Variants in SNTB1 observed in about 807,000 individuals in gnomAD.
SNTB1 encodes syntrophin beta 1.
A neutral mutation model predicts 48.9 loss-of-function variants in SNTB1; 36 were observed. The observed-to-expected ratio is 0.74, with a 90% CI of 0.56 to 0.97. The LOEUF (loss-of-function observed/expected upper bound fraction) is 0.97, where lower values mean the gene tolerates loss of function less well. Among genes scored for constraint, SNTB1 ranks in the 50% least tolerant of loss-of-function variants. The pLI is 0.00. For synonymous variants in SNTB1, 299 were observed against 294.6 expected (o/e 1.01, Z -0.15); for missense variants, 786 against 703.4 (o/e 1.12, Z -1.33).
intron 1 of SNTB1, among the ~76,000 whole-genome samples, chr8:120,700,811 G>A (rs1818297761): frequency 6.6e-6 from 1 of 152,170 alleles, no homozygotes; most frequent in Non-Finnish European, 1.5e-5. Flanking sequence ...AATGCTTTAG[G>A]CAAATCCAAT....
chr8:120,565,809 T>G (rs1815738994), intron 4 of SNTB1, among the ~76,000 whole-genome samples: 1 of 152,182 alleles, frequency 6.6e-6, no homozygotes. Context: ...CCAAAATTCA[T>G]GTTGAAACTG....
chr8:120,545,339 C>T (rs1479801822), intron 5 of SNTB1, among the ~76,000 whole-genome samples: 4 of 152,012 alleles, frequency 2.6e-5, no homozygotes, highest in Non-Finnish European at 5.9e-5. Context: ...AGTAAAACTC[C>T]GTTTCAAAAC....
In SNTB1 at chr8:120,811,584, G is replaced by A. The variant is rs866095482; in HGVS notation, c.260C>T (p.Ser87Leu). ...GAAAGCGGTGCGGACCCCGGCGGGC[G>A]AGTCCGGGGGCTGCGCGCCGCCCGC... ...PGAGGAQPPD[S>L]PAGVRTAFTD... is the part of the protein sequence containing the mutation. Residue 87 changes from serine (S) to leucine (L), a missense_variant, in exon 1 of 7, where the codon TCG becomes TTG. Coordinates refer to ENST00000517992, the MANE Select transcript of SNTB1 (RefSeq NM_021021.4). 1 of 1,565,174 alleles carries A rather than the reference G, an allele frequency of 6.4e-7. No homozygotes were observed. The highest frequency in any genetic ancestry group is 1.7e-4 in the Middle Eastern group (1 of 5,896).
chr8:120,678,743 A>G (rs969764183), intron 2 of SNTB1, among the ~76,000 whole-genome samples: 3 of 152,206 alleles, frequency 2.0e-5, no homozygotes, highest in African/African-American at 7.2e-5. Flanking sequence ...CCTATTTTCA[A>G]AGAGGCAGAA....
intron 3 of SNTB1, among the ~76,000 whole-genome samples, chr8:120,616,912 A>G (rs1816723604): frequency 6.6e-6 from 1 of 152,328 alleles, no homozygotes; most frequent in Admixed American, 6.5e-5. Context: ...CTGAAAGGGA[A>G]CGTGGCTCCT....
Position 120,548,907 on chromosome 8 carries a change from C to T in SNTB1, c.1188G>A (p.Leu396=). The T allele has an allele frequency of 6.2e-7, 1 of 1,609,942 alleles. No homozygotes were observed. Among genetic ancestry groups the T allele is most frequent in the Non-Finnish European group, 8.5e-7 (1 of 1,177,958 alleles). ...GKGSPQAGVD[L]SFATRTGTRQ... ...TGGTACCAGTTCGCGTTGCAAAGGA[C>T]AGATCCACACCAGCCTGGGGTGATC... Residue 396 remains leucine, a synonymous_variant, in exon 5 of 7, where the codon CTG becomes CTA. Transcript: ENST00000517992.
intron 2 of SNTB1, among the ~76,000 whole-genome samples, chr8:120,659,109 G>T (rs748492412): frequency 6.6e-6 from 1 of 151,722 alleles, no homozygotes; most frequent in Non-Finnish European, 1.5e-5. Flanking sequence ...GACTATAGGC[G>T]CACGCCACCA....
intron 3 of SNTB1, among the ~76,000 whole-genome samples, chr8:120,590,685 C>T (rs7464888): frequency 0.29 from 29,136 of 99,436 alleles, 4,098 homozygotes; most frequent in African/African-American, 0.49. Flanking sequence ...CTTTTCTTTT[C>T]TTTTTTTTTT....
chr8:120,714,000 G>A (rs1458270810), intron 1 of SNTB1, among the ~76,000 whole-genome samples: 2 of 152,158 alleles, frequency 1.3e-5, no homozygotes, highest in African/African-American at 4.8e-5. Flanking sequence ...ATCTAAGACT[G>A]TCATAGGCTA....
intron 1 of SNTB1, among the ~76,000 whole-genome samples, chr8:120,736,295 C>A (rs1159971469): frequency 6.6e-6 from 1 of 152,050 alleles, no homozygotes; most frequent in East Asian, 1.9e-4. Context: ...CAAAGCCTAC[C>A]CATATTACCC....
At chr8:120,695,573 C>A (rs1355858012) in intron 1 of SNTB1, among the ~76,000 whole-genome samples, 1 of 151,924 alleles carries the variant, frequency 6.6e-6, no homozygotes, top group African/African-American at 2.4e-5. Context: ...AACTACGGCA[C>A]AAAGTAGAAT....
intron 1 of SNTB1, among the ~76,000 whole-genome samples, chr8:120,762,098 T>C (rs949991725): frequency 6.6e-6 from 1 of 152,232 alleles, no homozygotes; most frequent in African/African-American, 2.4e-5. Flanking sequence ...GAAGCCACCA[T>C]TGCAATGAAT....
chr8:120,632,427 G>A lies in SNTB1; in HGVS notation c.996+17C>T. On this transcript the variant is annotated intron_variant, in intron 3 of 6. Transcript: ENST00000517992. Reference sequence around the variant, plus strand: ...CTCGGGGAGGACGACTATTACAGAGGAAGGTATTTTCCTTACCTTTTCTGC... The same window carrying A: ...CTCGGGGAGGACGACTATTACAGAGAAAGGTATTTTCCTTACCTTTTCTGC... 1 of 1,607,124 alleles carries A rather than the reference G, an allele frequency of 6.2e-7. No homozygotes were observed. Among genetic ancestry groups the A allele is most frequent in the Non-Finnish European group, 8.5e-7 (1 of 1,175,284 alleles).
chr8:120,629,469 C>T (rs1048572192), intron 3 of SNTB1, among the ~76,000 whole-genome samples: 1 of 152,046 alleles, frequency 6.6e-6, no homozygotes, highest in African/African-American at 2.4e-5. Flanking sequence ...AGACAAAGAA[C>T]ATCAATTTAA....
At chr8:120,555,845 C>A (rs1361822342) in intron 4 of SNTB1, among the ~76,000 whole-genome samples, 1 of 152,140 alleles carries the variant, frequency 6.6e-6, no homozygotes, top group Non-Finnish European at 1.5e-5. Flanking sequence ...AAATCTCTCC[C>A]CCTCCCGTGC....
At chr8:120,575,467 A>G (rs932872308) in intron 3 of SNTB1, among the ~76,000 whole-genome samples, 1 of 152,220 alleles carries the variant, frequency 6.6e-6, no homozygotes, top group Non-Finnish European at 1.5e-5. Flanking sequence ...GCTGCCACAC[A>G]TCTGTCACTG....
chr8:120,592,243 G>A (rs773690928), intron 3 of SNTB1, among the ~76,000 whole-genome samples: 12 of 151,980 alleles, frequency 7.9e-5, no homozygotes, highest in African/African-American at 2.4e-4. Context: ...GTGCAGTGTC[G>A]TGATCACGGC....
chr8:120,729,933 T>C (rs565141942), intron 1 of SNTB1, among the ~76,000 whole-genome samples: 27 of 151,532 alleles, frequency 1.8e-4, no homozygotes, highest in Non-Finnish European at 3.4e-4. Context: ...AAAGCCACCA[T>C]GCACATGACT....
At chr8:120,656,218 G>C (rs1166304165) in intron 2 of SNTB1, among the ~76,000 whole-genome samples, 1 of 152,164 alleles carries the variant, frequency 6.6e-6, no homozygotes, top group African/African-American at 2.4e-5. Context: ...AGTGTGAGCA[G>C]TTAATGAAAA....
Sources: gnomAD v4.1 joint callset for allele counts (sites outside exome capture counted in the v4.1 genomes callset) on GRCh38, gnomAD v4.1.1 for gene constraint, MANE v1.5 for transcripts, NCBI Gene and HGNC (gene_info 2026-07-23, HGNC 2026-07-21) for gene names.